Variants in CACNA1C observed in about 807,000 individuals in gnomAD.
CACNA1C encodes the protein voltage-dependent L-type calcium channel subunit alpha-1C.
In CACNA1C, 30 loss-of-function variants were observed where a neutral mutation model predicts 229.0. The observed-to-expected ratio is 0.13, with a 90% CI of 0.10 to 0.18. The LOEUF (loss-of-function observed/expected upper bound fraction) is 0.18. CACNA1C is among the 10% of genes least tolerant of loss of function. The probability of loss-of-function intolerance (pLI) is 1.00; values close to 1 mark genes in which losing one functional copy is unlikely to be tolerated. For synonymous variants in CACNA1C, 1,114 were observed against 1,132.5 expected (o/e 0.98, Z 0.33); for missense variants, 1,658 against 2,845.0 (o/e 0.58, Z 9.49).
chr12:2,493,242 G>A lies in CACNA1C; in HGVS notation c.969G>A (p.Gly323=), dbSNP rs1321784808. ...PSPCALETGH[G]RQCQNGTVCK... is the part of the protein sequence containing the mutation. ...CTTGTGCGCTGGAAACGGGCCACGG[G>A]CGGCAGTGCCAGAACGGCACGGTGT... The change falls in exon 7 of 47, where the codon GGG becomes GGA. Residue 323 remains glycine, a synonymous_variant. Coordinates refer to ENST00000399655, the MANE Select transcript of CACNA1C (RefSeq NM_000719.7). This position sits in a 1 kb window ranked among gnomAD's most constrained non-coding sequence, Gnocchi z 4.6. 4 of 1,613,928 alleles carry A rather than the reference G, an allele frequency of 2.5e-6. No homozygotes were observed. The highest frequency in any genetic ancestry group is 3.4e-6 in the Non-Finnish European group (4 of 1,179,898).
At chr12:2,218,901 G>A (rs972094696) in intron 3 of CACNA1C, among the ~76,000 whole-genome samples, 1 of 152,126 alleles carries the variant, frequency 6.6e-6, no homozygotes, top group Non-Finnish European at 1.5e-5. Context: ...CACTGTATGC[G>A]TTGAATCTGT....
chr12:2,226,189 G>A (rs906060427), intron 3 of CACNA1C, among the ~76,000 whole-genome samples: 10 of 149,718 alleles, frequency 6.7e-5, no homozygotes, highest in Admixed American at 3.3e-4. Context: ...CTTCATACAG[G>A]GGTAGTAAAA....
chr12:2,138,093 G>A (rs1016541447), intron 3 of CACNA1C, among the ~76,000 whole-genome samples: 1 of 151,494 alleles, frequency 6.6e-6, no homozygotes, highest in Non-Finnish European at 1.5e-5. Flanking sequence ...AGCAGAAATA[G>A]TGGGAAAACC....
chr12:2,625,426 G>C (rs1018616391), intron 29 of CACNA1C, among the ~76,000 whole-genome samples: 1 of 152,158 alleles, frequency 6.6e-6, no homozygotes, highest in Non-Finnish European at 1.5e-5. Context: ...GTGCGTCGGC[G>C]ATAACCCGAC....
intron 1 of CACNA1C, among the ~76,000 whole-genome samples, chr12:2,100,850 G>A (rs2076121995): frequency 6.6e-6 from 1 of 151,414 alleles, no homozygotes; most frequent in African/African-American, 2.4e-5. Flanking sequence ...CCCAGGAGTT[G>A]GAGACCAGCC....
chr12:2,069,590 A>G (rs1248602797), intron 1 of CACNA1C, among the ~76,000 whole-genome samples: 1 of 152,354 alleles, frequency 6.6e-6, no homozygotes, highest in East Asian at 1.9e-4. Context: ...TATCTGTCAC[A>G]TTGGCATTTT....
At chr12:2,188,612 A>C (rs926131533) in intron 3 of CACNA1C, among the ~76,000 whole-genome samples, 3 of 152,224 alleles carry the variant, frequency 2.0e-5, no homozygotes, top group Non-Finnish European at 4.4e-5. Flanking sequence ...AAAAATAAAA[A>C]GAGAAAGACA....
rs1255760577 is a variant in CACNA1C, at chr12:2,575,844, C to G, written c.1896-5746C>G. ...TAAAGGTAAAGGACCTGGCCCTGAG[C>G]TCTTTGAAGCAAAAGGTTCATGAGA... On this transcript the variant is annotated intron_variant, in intron 13 of 46. Coordinates refer to ENST00000399655, the MANE Select transcript of CACNA1C (RefSeq NM_000719.7). The surrounding 1 kb of genome is among the most constrained non-coding windows in gnomAD (Gnocchi z 4.0). 6.6e-6 allele frequency among the ~76,000 whole-genome samples: 1 copy of G among 152,174 alleles called. No individual in the cohort carries two copies. Among genetic ancestry groups the G allele is most frequent in the Non-Finnish European group, 1.5e-5 (1 of 68,044 alleles).
At chr12:2,380,030 CAA>C (rs1172016514) in intron 3 of CACNA1C, among the ~76,000 whole-genome samples, 8 of 80,112 alleles carry the variant, frequency 1.0e-4, no homozygotes, top group Admixed American at 3.7e-4. Context: ...GACTCCGTCT[CAA>C]AAAAAAAAAA....
rs971308001 is a variant in CACNA1C, at chr12:2,689,618, T to C, written c.6117+839T>C. Among the ~76,000 whole-genome samples, 5 of 152,014 alleles carry C rather than the reference T, an allele frequency of 3.3e-5. No individual in the cohort carries two copies. The highest frequency in any genetic ancestry group is 1.2e-4 in the African/African-American group (5 of 41,382). ...AGACATAGCCAAGCAGAGACTGTGC[T>C]CATCCGGGCGTCAGGCTGTGGTGCA... On this transcript the variant is annotated intron_variant, in intron 46 of 46. Coordinates refer to ENST00000399655, the MANE Select transcript of CACNA1C (RefSeq NM_000719.7). The surrounding 1 kb of genome is among the most constrained non-coding windows in gnomAD (Gnocchi z 4.2).
intron 3 of CACNA1C, among the ~76,000 whole-genome samples, chr12:2,234,556 C>T (rs1046703902): frequency 5.3e-5 from 8 of 152,162 alleles, no homozygotes; most frequent in Non-Finnish European, 7.3e-5. Context: ...CTGGAGCGTT[C>T]GCCCCAGCTT....
chr12:2,201,531 C>A (rs1180474824), intron 3 of CACNA1C, among the ~76,000 whole-genome samples: 2 of 152,210 alleles, frequency 1.3e-5, no homozygotes, highest in African/African-American at 4.8e-5. Flanking sequence ...AATGTCTTCC[C>A]TTAGGTCTTT....
Position 2,610,561 on chromosome 12 carries a change from C to G in CACNA1C, c.3579C>G (p.Ala1193=). 1 of 1,613,880 alleles carries G rather than the reference C, an allele frequency of 6.2e-7. No homozygotes were observed. The highest frequency in any genetic ancestry group is 8.5e-7 in the Non-Finnish European group (1 of 1,179,828). The change falls in exon 28 of 47, where the codon GCC becomes GCG. Residue 1193 remains alanine, a synonymous_variant. Coordinates refer to ENST00000399655, the MANE Select transcript of CACNA1C (RefSeq NM_000719.7). ...DKNQRQCVEY[A]LKARPLRRYI... The stretch of plus-strand genomic sequence containing the variant: ...CCCAGCGACAGTGCGTGGAATACGC[C>G]CTCAAGGCCCGGCCCCTGCGGAGGT...
intron 3 of CACNA1C, among the ~76,000 whole-genome samples, chr12:2,147,034 G>A (rs1302994532): frequency 1.3e-5 from 2 of 150,874 alleles, no homozygotes; most frequent in Non-Finnish European, 3.0e-5. Flanking sequence ...AATTATCAAA[G>A]CAAATCAATG....
At chr12:2,195,643 A>T (rs2097376672) in intron 3 of CACNA1C, among the ~76,000 whole-genome samples, 2 of 152,256 alleles carry the variant, frequency 1.3e-5, no homozygotes, top group Non-Finnish European at 2.9e-5. Context: ...GAAGGCAAGG[A>T]GGACAGATGG....
intron 3 of CACNA1C, among the ~76,000 whole-genome samples, chr12:2,435,373 C>A (rs1043374806): frequency 2.0e-5 from 3 of 152,256 alleles, no homozygotes; most frequent in East Asian, 3.8e-4. Context: ...TTCCTGCCCA[C>A]TTGCCTGGAC....
chr12:2,531,561 G>A (rs1004626820), intron 9 of CACNA1C, among the ~76,000 whole-genome samples: 1 of 152,162 alleles, frequency 6.6e-6, no homozygotes, highest in African/African-American at 2.4e-5. Flanking sequence ...GAACAAGTCT[G>A]TGGCTAAGCT....
At chr12:2,471,442 A>C (rs115641431) in intron 5 of CACNA1C, among the ~76,000 whole-genome samples, 1 of 152,206 alleles carries the variant, frequency 6.6e-6, no homozygotes, top group African/African-American at 2.4e-5. Context: ...TATAGATCCA[A>C]GTTCCCTTCT....
rs549030448 is a variant in CACNA1C at position 2,633,980 on chromosome 12, G to A, written c.3829-317G>A. 3.9e-5 allele frequency among the ~76,000 whole-genome samples: 6 copies of A among 152,074 alleles called. No individual in the cohort carries two copies. Among genetic ancestry groups the A allele is most frequent in the Non-Finnish European group, 7.4e-5 (5 of 68,024 alleles). ...CGTGGAGCTGAGCAGAGGGAGTGGC[G>A]GTGCAGGGGACACACCGCCCGGCTC... is the stretch of plus-strand genomic sequence containing the variant. On this transcript the variant is annotated intron_variant, in intron 29 of 46. Coordinates refer to ENST00000399655, the MANE Select transcript of CACNA1C (RefSeq NM_000719.7). The surrounding 1 kb of genome is among the most constrained non-coding windows in gnomAD (Gnocchi z 5.8).
Sources: allele counts gnomAD v4.1 joint callset (sites outside exome capture counted in the v4.1 genomes callset), GRCh38; gene constraint gnomAD v4.1.1; non-coding constraint Gnocchi (gnomAD v3.1); transcripts MANE v1.5; gene names NCBI Gene and HGNC (gene_info 2026-07-23, HGNC 2026-07-21).